The following PCDHA3 variants were observed in gnomAD, a reference collection of about 807,000 sequenced individuals.
The protein encoded by PCDHA3 is protocadherin alpha-3.
A neutral mutation model predicts 62.2 loss-of-function variants in PCDHA3; 41 were observed. The ratio of observed to expected loss-of-function variants is 0.66; its 90% confidence interval spans 0.51 to 0.86. The LOEUF is 0.86. Among genes scored for constraint, PCDHA3 ranks in the 40% least tolerant of loss-of-function variants. The pLI is 0.00. For missense variants in PCDHA3, 1,304 were observed against 1,241.2 expected, an observed-to-expected ratio of 1.05 and a Z score of -0.76; for synonymous variants, 640 against 555.4, an observed-to-expected ratio of 1.15 and a Z score of -2.14.
At chr5:140,858,863 A>T (rs1042514918) in intron 1 of PCDHA3, 3 of 258,704 alleles carry the variant, frequency 1.2e-5, no homozygotes, top group Admixed American at 5.3e-5. Context: ...CTCTTCAGTG[A>T]AAATGTGTTT....
intron 1 of PCDHA3, chr5:140,853,989 C>A: frequency 4.0e-6 from 2 of 494,684 alleles, no homozygotes; most frequent in Non-Finnish European, 5.4e-6. Context: ...TGTAGTGAGA[C>A]TCATCTCTGC....
At chr5:140,809,921 C>G (rs1554125382) in intron 1 of PCDHA3, 1 of 174,240 alleles carries the variant, frequency 5.7e-6, no homozygotes, top group African/African-American at 2.4e-5. Flanking sequence ...AATAATAAAG[C>G]TCCATAAATT....
intron 1 of PCDHA3, among the ~76,000 whole-genome samples, chr5:140,879,217 G>A (rs1163771659): frequency 6.6e-6 from 1 of 152,164 alleles, no homozygotes; most frequent in African/African-American, 2.4e-5. Context: ...GAAATGAATT[G>A]AAAAAGACAT....
Position 140,802,366 on chromosome 5 carries a change from C to G in PCDHA3, c.1169C>G (p.Thr390Arg), listed in dbSNP as rs1467501869. ...AATGGACAGGTCACCTGCTCGCTGA[C>G]GCCCCACGTCCCCTTCAAGCTGGTG... ...GVNGQVTCSL[T>R]PHVPFKLVST... The change falls in exon 1 of 4, where the codon ACG becomes AGG. Residue 390 changes from threonine to arginine, a missense_variant. By Grantham distance (71) the Thr-to-Arg change is moderately conservative. Coordinates refer to ENST00000522353, the MANE Select transcript of PCDHA3 (RefSeq NM_018906.3). 12 of 1,614,126 alleles carry G rather than the reference C, an allele frequency of 7.4e-6. No individual in the cohort carries two copies. The highest frequency in any genetic ancestry group is 3.3e-5 in the Admixed American group (2 of 60,012).
intron 1 of PCDHA3, chr5:140,809,172 C>T: frequency 2.5e-6 from 4 of 1,613,996 alleles, no homozygotes; most frequent in Non-Finnish European, 3.4e-6. Flanking sequence ...CTGACGGCCA[C>T]GGCCACTGTG....
rs1404352255 is a variant in PCDHA3 at position 140,843,932 on chromosome 5, T to C, written c.2394+40341T>C. 7 of 583,528 alleles carry C rather than the reference T, an allele frequency of 1.2e-5. No homozygotes were observed. In the East Asian group the frequency reaches 1.4e-4, roughly 12 times the overall value. The allele number at this position is 583,528 out of a possible 1,614,324, so 36.1% of individuals were successfully genotyped here. A position where few individuals can be genotyped will look rare whatever the true frequency, so the allele number is the denominator to read the frequency against. ...TGGGTCTATCTTGAAACTCAAGTTA[T>C]GGTTGGATGATATCCATTTTTTACT... is the stretch of plus-strand genomic sequence containing the variant. On this transcript the variant is annotated intron_variant, in intron 1 of 3. Transcript: ENST00000522353.
intron 1 of PCDHA3, chr5:140,827,937 T>C (rs1259463577): frequency 8.9e-7 from 1 of 1,126,774 alleles, no homozygotes; most frequent in African/African-American, 1.6e-5. Context: ...AAGTTATAGC[T>C]AGCCAACATT....
chr5:140,967,006 C>G, intron 1 of PCDHA3: 1 of 1,605,750 alleles, frequency 6.2e-7, no homozygotes, highest in Non-Finnish European at 8.5e-7. Flanking sequence ...TGCGCATCAA[C>G]CATCTGGGTG....
chr5:140,828,981 G>C (rs2150161571), intron 1 of PCDHA3: 1 of 1,614,120 alleles, frequency 6.2e-7, no homozygotes, highest in Admixed American at 1.7e-5. Flanking sequence ...AGCATAGATC[G>C]AAATACGGGA....
chr5:140,850,333 C>G lies in PCDHA3; in HGVS notation c.2394+46742C>G, dbSNP rs2150480069. 3.1e-6 allele frequency: 5 copies of G among 1,597,624 alleles called. 1 individual carries two copies. The highest frequency in any genetic ancestry group is 4.3e-6 in the Non-Finnish European group (5 of 1,167,680). ...GCGTGGCTTTCATACGAGCTGCAGC[C>G]AGAAACGGCCAGCGCGAGCATCCCG... On this transcript the variant is annotated intron_variant, in intron 1 of 3. Coordinates refer to ENST00000522353, the MANE Select transcript of PCDHA3 (RefSeq NM_018906.3).
At chr5:140,909,927 TCA>T (rs781847647) in intron 1 of PCDHA3, among the ~76,000 whole-genome samples, 6 of 152,150 alleles carry the variant, frequency 3.9e-5, no homozygotes, top group African/African-American at 9.7e-5. Flanking sequence ...CTTTCCCCAA[TCA>T]CAGTTACTCT....
At chr5:140,875,835 G>A in intron 1 of PCDHA3, 1 of 1,614,196 alleles carries the variant, frequency 6.2e-7, no homozygotes, top group East Asian at 2.2e-5. Context: ...ATGTGGACGT[G>A]GAGGTGAAGG....
chr5:140,835,788 C>A (rs2150244691), intron 1 of PCDHA3: 4 of 1,613,044 alleles, frequency 2.5e-6, no homozygotes, highest in South Asian at 2.2e-5. Flanking sequence ...GGAGAACAAC[C>A]CGCCGGGCTG....
At position 140,828,503 on chromosome 5, in the gene PCDHA3, CA is replaced by C. The variant is rs2150156146; in HGVS notation, c.2394+24915del. The stretch of plus-strand genomic sequence containing the variant: ...CCCGCCCTTGTTCCCGGTAGAGGAA[CA>C]AAGAGTGCTGATTTACGAATCTAGG... On this transcript the variant is annotated intron_variant, in intron 1 of 3. Coordinates refer to ENST00000522353, the MANE Select transcript of PCDHA3 (RefSeq NM_018906.3). 1.9e-6 allele frequency: 3 copies of C among 1,614,120 alleles called. No individual in the cohort carries two copies. The Admixed American group carries it at 5.0e-5, about 27-fold the overall frequency.
At chr5:140,912,130 T>A (rs1554195167) in intron 1 of PCDHA3, among the ~76,000 whole-genome samples, 1 of 152,156 alleles carries the variant, frequency 6.6e-6, no homozygotes, top group Non-Finnish European at 1.5e-5. Flanking sequence ...GTCAGTCTAA[T>A]CTCTCCATGT....
At chr5:140,872,584 G>A (rs183302964) in intron 1 of PCDHA3, among the ~76,000 whole-genome samples, 8 of 152,212 alleles carry the variant, frequency 5.3e-5, no homozygotes, top group Admixed American at 5.2e-4. Flanking sequence ...CTATCATCGT[G>A]AGACCCCCAT....
intron 1 of PCDHA3, among the ~76,000 whole-genome samples, chr5:140,888,190 A>G (rs2153423083): frequency 6.6e-6 from 1 of 152,280 alleles, no homozygotes; most frequent in East Asian, 1.9e-4. Flanking sequence ...TGTGAATTTT[A>G]CATTGTCGGA....
chr5:140,884,192 G>A, intron 1 of PCDHA3: 1 of 1,613,428 alleles, frequency 6.2e-7, no homozygotes, highest in Non-Finnish European at 8.5e-7. Context: ...CGAGGTGGAC[G>A]CGCCGCACCA....
At chr5:140,805,838 A>G (rs1763637111) in intron 1 of PCDHA3, among the ~76,000 whole-genome samples, 1 of 152,206 alleles carries the variant, frequency 6.6e-6, no homozygotes, top group Non-Finnish European at 1.5e-5. Flanking sequence ...TTTCCCAACT[A>G]GATATGCGAT....
Sources: allele counts gnomAD v4.1 joint callset (sites outside exome capture counted in the v4.1 genomes callset), GRCh38; gene constraint gnomAD v4.1.1; transcripts MANE v1.5; gene names NCBI Gene and HGNC (gene_info 2026-07-23, HGNC 2026-07-21).